The following TUT4 variants were observed in gnomAD, a reference collection of about 807,000 sequenced individuals.
The protein encoded by TUT4 is terminal uridylyltransferase 4.
TUT4 carries 36 observed loss-of-function variants against 192.2 expected under a neutral mutation model. That is an observed-to-expected ratio of 0.19 (90% CI 0.14 to 0.25). The LOEUF is 0.25. Ranked by LOEUF, TUT4 falls within the 10% of genes least tolerant of loss-of-function variation. The probability of loss-of-function intolerance (pLI) is 1.00; values close to 1 mark genes in which losing one functional copy is unlikely to be tolerated. For missense variants in TUT4, 1,493 were observed against 1,957.2 expected (o/e 0.76, Z 4.47); for synonymous variants, 618 against 666.0 (o/e 0.93, Z 1.11).
At chr1:52,457,604 C>A (rs541753351) in intron 20 of TUT4, among the ~76,000 whole-genome samples, 64 of 152,262 alleles carry the variant, frequency 4.2e-4, no homozygotes, top group Non-Finnish European at 7.8e-4. Flanking sequence ...ACTTTTCCAA[C>A]CAAGTCTGAT....
At chr1:52,447,177 C>T (rs757526627) in intron 20 of TUT4, among the ~76,000 whole-genome samples, 3 of 152,030 alleles carry the variant, frequency 2.0e-5, no homozygotes, top group South Asian at 2.1e-4. Context: ...GGGCCAGGCA[C>T]GGTGGTTCAC....
intron 2 of TUT4, among the ~76,000 whole-genome samples, chr1:52,519,557 T>A (rs1679660899): frequency 6.6e-6 from 1 of 151,970 alleles, no homozygotes; most frequent in Non-Finnish European, 1.5e-5. Context: ...TTGCCCAGAC[T>A]GGAGTGCAGT....
intron 20 of TUT4, among the ~76,000 whole-genome samples, chr1:52,452,196 C>G (rs1297379832): frequency 6.6e-6 from 1 of 152,078 alleles, no homozygotes; most frequent in Non-Finnish European, 1.5e-5. Context: ...AACAATGATG[C>G]AAAATTCCTC....
intron 29 of TUT4, 54 bp from the exon 30 acceptor site, chr1:52,424,056 C>T: frequency 2.6e-6 from 4 of 1,537,220 alleles, no homozygotes; most frequent in Non-Finnish European, 3.5e-6. Flanking sequence ...GTTTATCTGA[C>T]AACACCTTAG....
At position 52,465,009 on chromosome 1, in the gene TUT4, T is replaced by C. The variant is rs377468854; in HGVS notation, c.3069+61A>G. On this transcript the variant is annotated intron_variant, in intron 16 of 29. Coordinates refer to ENST00000257177, the MANE Select transcript of TUT4 (RefSeq NM_001009881.3). ...TTTTTATCAATATCACATACAAAAATAAACATAGAATCGTCATTGGGAGAA... is the reference window on the plus strand; with the variant it reads ...TTTTTATCAATATCACATACAAAAACAAACATAGAATCGTCATTGGGAGAA... 62 of 1,321,068 alleles carry C rather than the reference T, an allele frequency of 4.7e-5. No homozygotes were observed. In the South Asian group the frequency reaches 8.1e-4, roughly 17 times the overall value. The allele number at this position is 1,321,068 out of a possible 1,614,324, so 81.8% of individuals were successfully genotyped here.
chr1:52,435,052 A>G (rs1653326463), intron 27 of TUT4: 1 of 179,410 alleles, frequency 5.6e-6, no homozygotes, highest in Non-Finnish European at 1.2e-5. Flanking sequence ...AATGGTACTG[A>G]TATTTTTCCA....
Position 52,472,120 on chromosome 1 carries a change from G to T in TUT4, c.2728-18C>A, listed in dbSNP as rs1364493239. On this transcript the variant is annotated intron_variant, in intron 13 of 29. Coordinates refer to ENST00000257177, the MANE Select transcript of TUT4 (RefSeq NM_001009881.3). ...GTTGGTGGCTACACAAAGATAAAAA[G>T]AAATCTAATCTAATAAACTTTTGAG... The T allele has an allele frequency of 6.8e-6, 11 of 1,608,542 alleles. No homozygotes were observed. The highest frequency in any genetic ancestry group is 9.3e-6 in the Non-Finnish European group (11 of 1,177,740).
chr1:52,493,434 A>G (rs1271454719), intron 7 of TUT4, among the ~76,000 whole-genome samples, 177 bp downstream of exon 7: 2 of 151,930 alleles, frequency 1.3e-5, no homozygotes, highest in Non-Finnish European at 2.9e-5. Context: ...TTACAGTTAA[A>G]TTATATTTTC....
At chr1:52,498,662 G>A (rs917044528) in intron 4 of TUT4, among the ~76,000 whole-genome samples, 13 of 151,740 alleles carry the variant, frequency 8.6e-5, no homozygotes, top group Middle Eastern at 3.4e-3. Flanking sequence ...CAAGGCAGGC[G>A]TATCACTTAA....
At chr1:52,532,050 G>C in intron 1 of TUT4, among the ~76,000 whole-genome samples, 1 of 151,600 alleles carries the variant, frequency 6.6e-6, no homozygotes, top group East Asian at 1.9e-4. Flanking sequence ...ACCACGCCCA[G>C]CTAATTTTTG....
chr1:52,489,128 A>G, intron 8 of TUT4, 93 bp from the exon 9 acceptor site: 1 of 1,325,662 alleles, frequency 7.5e-7, no homozygotes, highest in Non-Finnish European at 1.0e-6. Context: ...TAGTTATCAT[A>G]TTGTAACATA....
At chr1:52,463,748 C>T (rs1270269628) in intron 16 of TUT4, 5 of 1,304,092 alleles carry the variant, frequency 3.8e-6, no homozygotes, top group African/African-American at 1.5e-5. Context: ...TTCCCTGGAG[C>T]TTGGACAATC....
intron 9 of TUT4, among the ~76,000 whole-genome samples, chr1:52,482,244 G>GT (rs1179744076): frequency 6.6e-6 from 1 of 151,888 alleles, no homozygotes; most frequent in Non-Finnish European, 1.5e-5. Context: ...AACCTTCTAT[G>GT]TCTTCTTCTA....
At chr1:52,552,725 T>C (rs756486145) in intron 1 of TUT4, among the ~76,000 whole-genome samples, 2 of 152,108 alleles carry the variant, frequency 1.3e-5, no homozygotes, top group African/African-American at 4.8e-5. Context: ...CCACCTCCCT[T>C]ATCTCAGCCT....
intron 16 of TUT4, chr1:52,462,655 G>T (rs1662947986): frequency 2.2e-6 from 2 of 922,888 alleles, no homozygotes; most frequent in South Asian, 1.0e-4. Flanking sequence ...AGAATGCCTG[G>T]CACAAAATAA....
rs1253420772 is a variant in TUT4 at position 52,475,330 on chromosome 1, G to A, written c.2229C>T (p.Thr743=). The A allele has an allele frequency of 6.2e-7, 1 of 1,613,966 alleles. No homozygotes were observed. Among genetic ancestry groups the A allele is most frequent in the South Asian group, 1.1e-5 (1 of 91,064 alleles). ...KKPVKSNNMA[T]NGCILLGETT... is the part of the protein sequence containing the mutation. ...TTTCCCCAAGCAGAATACAACCATTGGTTGCCATATTGTTCGACTTGACTG... is the reference window on the plus strand; with the variant it reads ...TTTCCCCAAGCAGAATACAACCATTAGTTGCCATATTGTTCGACTTGACTG... Residue 743 remains threonine, a synonymous_variant, in exon 13 of 30, where the codon ACC becomes ACT. Coordinates refer to ENST00000257177, the MANE Select transcript of TUT4 (RefSeq NM_001009881.3).
At chr1:52,459,829 C>A (rs924390723) in intron 19 of TUT4, among the ~76,000 whole-genome samples, 2 of 151,914 alleles carry the variant, frequency 1.3e-5, no homozygotes, top group South Asian at 4.2e-4. Context: ...TTGCAGTGAG[C>A]CGAGATTGTG....
intron 1 of TUT4, among the ~76,000 whole-genome samples, chr1:52,548,326 T>C (rs973340305): frequency 6.6e-6 from 1 of 152,204 alleles, no homozygotes; most frequent in African/African-American, 2.4e-5. Context: ...AACTACACAC[T>C]GACAAAATGC....
chr1:52,532,053 A>G (rs1320962324), intron 1 of TUT4, among the ~76,000 whole-genome samples: 1 of 151,632 alleles, frequency 6.6e-6, no homozygotes, highest in Non-Finnish European at 1.5e-5. Flanking sequence ...ACGCCCAGCT[A>G]ATTTTTGTAT....
Sources: gnomAD v4.1 joint callset for allele counts (sites outside exome capture counted in the v4.1 genomes callset) on GRCh38, gnomAD v4.1.1 for gene constraint, MANE v1.5 for transcripts, NCBI Gene and HGNC (gene_info 2026-07-23, HGNC 2026-07-21) for gene names.